ITIH2: variants seen among roughly 807,000 people sequenced by gnomAD.
ITIH2 encodes inter-alpha-trypsin inhibitor heavy chain H2.
Under a neutral mutation model 104.4 loss-of-function variants are expected in ITIH2, and 103 were observed. That is an observed-to-expected ratio of 0.99 (90% CI 0.84 to 1.16). The LOEUF (loss-of-function observed/expected upper bound fraction) is 1.16. Ranked by LOEUF, ITIH2 falls within the 50% of genes most tolerant of loss-of-function variation. The pLI, the probability that ITIH2 is intolerant of heterozygous loss-of-function variation, is 0.00. For missense variants in ITIH2, 1,108 were observed against 1,162.4 expected (o/e 0.95, Z 0.68); for synonymous variants, 436 against 435.4 (o/e 1.00, Z -0.02).
At chr10:7,722,480 A>C (rs980603736) in intron 8 of ITIH2, among the ~76,000 whole-genome samples, 2 of 152,034 alleles carry the variant, frequency 1.3e-5, no homozygotes, top group African/African-American at 4.8e-5. Context: ...AAAAATCCAA[A>C]TTTTCTAAAG....
At chr10:7,719,086 A>C (rs562850198) in intron 6 of ITIH2, among the ~76,000 whole-genome samples, 6 of 152,334 alleles carry the variant, frequency 3.9e-5, no homozygotes, top group African/African-American at 1.4e-4. Flanking sequence ...GGCAGATGGG[A>C]GAGTAAAGCA....
intron 9 of ITIH2, among the ~76,000 whole-genome samples, chr10:7,726,037 G>T (rs2130951417): frequency 6.6e-6 from 1 of 152,360 alleles, no homozygotes; most frequent in South Asian, 2.1e-4. Flanking sequence ...CATGAGAAAT[G>T]AAGATGGACC....
chr10:7,739,691 G>A (rs568521433), intron 16 of ITIH2, among the ~76,000 whole-genome samples: 51 of 152,004 alleles, frequency 3.4e-4, no homozygotes, highest in Admixed American at 2.6e-4. Flanking sequence ...CCAGGAGTTT[G>A]AGACCAGCAA....
chr10:7,713,229 G>A lies in ITIH2; in HGVS notation c.411G>A (p.Val137=), dbSNP rs999798857. Residue 137 remains valine (V), a synonymous_variant, in exon 5 of 21, where the codon GTG becomes GTA. Transcript: ENST00000358415. Reference sequence around the variant, plus strand: ...GGAGCTCTATTAAGGAGAAAACTGTGGGCCGAGCTCTTTATGCACAGGCCA... The same window carrying A: ...GGAGCTCTATTAAGGAGAAAACTGTAGGCCGAGCTCTTTATGCACAGGCCA... ...TFRSSIKEKT[V]GRALYAQARA... is the part of the protein sequence containing the mutation. 1 of 1,614,174 alleles carries A rather than the reference G, an allele frequency of 6.2e-7. No homozygotes were observed. The highest frequency in any genetic ancestry group is 8.5e-7 in the Non-Finnish European group (1 of 1,180,014).
chr10:7,719,126 G>A lies in ITIH2; in HGVS notation c.630+1338G>A, dbSNP rs189903415. ...GGTTGTGAATTGCCCGGAGACACGG[G>A]AGATGAAAGGGAATGAATTAATCAC... On this transcript the variant is annotated intron_variant, in intron 6 of 20. Transcript: ENST00000358415. Among the ~76,000 whole-genome samples, 618 of 152,316 alleles carry A rather than the reference G, an allele frequency of 4.1e-3. 2 individuals carry two copies. Among genetic ancestry groups the A allele is most frequent in the Non-Finnish European group, 5.8e-3 (392 of 68,036 alleles).
intron 5 of ITIH2, among the ~76,000 whole-genome samples, chr10:7,713,626 T>C (rs1001976952): frequency 6.6e-6 from 1 of 152,242 alleles, no homozygotes. Flanking sequence ...ACTTAACATA[T>C]AAGCAGAAGG....
At position 7,709,053 on chromosome 10, in the gene ITIH2, A is replaced by C. The variant is rs1652309594; in HGVS notation, c.224A>C (p.Tyr75Ser). 2.5e-6 allele frequency: 4 copies of C among 1,613,974 alleles called. No individual in the cohort carries two copies. Among genetic ancestry groups the C allele is most frequent in the Admixed American group, 3.3e-5 (2 of 59,998 alleles). The change falls in exon 4 of 21, where the codon TAT becomes TCT. Residue 75 changes from tyrosine (Y) to serine (S), a missense_variant. By Grantham distance (144) the Tyr-to-Ser change is moderately radical (BLOSUM62 -2). Coordinates refer to ENST00000358415, the MANE Select transcript of ITIH2 (RefSeq NM_002216.3). ...GTTGATCAAGTAACTCTTTATAGCT[A>C]TAAAGTCCAGTCTACTATTACTTCT... ...EEVDQVTLYSYKVQSTITSRM... is the reference protein window; with the variant it reads ...EEVDQVTLYSSKVQSTITSRM...
intron 1 of ITIH2, 72 bp downstream of exon 1, chr10:7,703,590 A>C (rs1406651624): frequency 5.5e-6 from 5 of 912,082 alleles, no homozygotes; most frequent in Admixed American, 1.7e-5. Context: ...TGGAATCGCT[A>C]TTCAATGGCC....
chr10:7,745,463 G>A (rs1213525681), intron 19 of ITIH2, among the ~76,000 whole-genome samples: 2 of 152,032 alleles, frequency 1.3e-5, no homozygotes, highest in African/African-American at 4.8e-5. Context: ...TGTATAAAAT[G>A]ACCATGAGCT....
chr10:7,727,762 T>C lies in ITIH2; in HGVS notation c.1213T>C (p.Leu405=), dbSNP rs1834964540. ...AIFILNEANN[L]GLLDPNSVSL... ...CTTCATTTTGAATGAAGCCAATAAC[T>C]TGGGACTGTTAGACCCCAACTCCGT... The change falls in exon 11 of 21, where the codon TTG becomes CTG. Residue 405 remains leucine, a synonymous_variant. Transcript: ENST00000358415. 1 of 1,614,150 alleles carries C rather than the reference T, an allele frequency of 6.2e-7. No homozygotes were observed. The highest frequency in any genetic ancestry group is 1.3e-5 in the African/African-American group (1 of 75,054).
At chr10:7,716,123 T>C (rs1339423922) in intron 5 of ITIH2, among the ~76,000 whole-genome samples, 2 of 152,132 alleles carry the variant, frequency 1.3e-5, no homozygotes, top group Non-Finnish European at 2.9e-5. Context: ...TAGCTAGGAT[T>C]ACAGGCACTC....
At chr10:7,720,613 C>T (rs1429777299) in intron 6 of ITIH2, among the ~76,000 whole-genome samples, 4 of 152,094 alleles carry the variant, frequency 2.6e-5, no homozygotes, top group Admixed American at 1.3e-4. Context: ...GGAAGGGAGT[C>T]GACTCCTGGG....
intron 17 of ITIH2, 63 bp from the exon 18 acceptor site, chr10:7,744,019 A>T: frequency 8.2e-7 from 1 of 1,218,104 alleles, no homozygotes. Flanking sequence ...TTTGAATTAT[A>T]GTACCCACAC....
At position 7,721,795 on chromosome 10, in the gene ITIH2, C is replaced by T. The variant is rs1834906819; in HGVS notation, c.867+18C>T. 3 of 1,612,604 alleles carry T rather than the reference C, an allele frequency of 1.9e-6. No homozygotes were observed. Among genetic ancestry groups the T allele is most frequent in the Middle Eastern group, 1.6e-4 (1 of 6,078 alleles). ...AACTGGAGGTGAGTGCACACCGGCTCTGGTTCTACTGCCAAGCTCGTGCCA... is the reference window on the plus strand; with the variant it reads ...AACTGGAGGTGAGTGCACACCGGCTTTGGTTCTACTGCCAAGCTCGTGCCA... On this transcript the variant is annotated intron_variant, in intron 8 of 20. Coordinates refer to ENST00000358415, the MANE Select transcript of ITIH2 (RefSeq NM_002216.3).
intron 15 of ITIH2, among the ~76,000 whole-genome samples, chr10:7,737,522 A>T (rs890186150): frequency 7.4e-6 from 1 of 134,864 alleles, no homozygotes; most frequent in African/African-American, 2.8e-5. Flanking sequence ...TATATTATAT[A>T]CTATGTATTC....
chr10:7,706,707 T>TA (rs1216320827), intron 2 of ITIH2, among the ~76,000 whole-genome samples: 1 of 152,138 alleles, frequency 6.6e-6, no homozygotes. Flanking sequence ...CTTGGGGTGT[T>TA]AGAGATTTTC....
chr10:7,742,962 C>T (rs771247165), intron 16 of ITIH2, among the ~76,000 whole-genome samples, 184 bp from the exon 17 acceptor site: 4 of 152,036 alleles, frequency 2.6e-5, no homozygotes, highest in African/African-American at 9.7e-5. Context: ...AAGAAGGCTC[C>T]GTGACAAAGG....
In ITIH2 at chr10:7,749,278, G is replaced by A. The variant is rs774072245; in HGVS notation, c.2785G>A (p.Gly929Arg). The A allele has an allele frequency of 8.7e-6, 14 of 1,614,096 alleles. No homozygotes were observed. The highest frequency in any genetic ancestry group is 2.2e-5 in the East Asian group (1 of 44,884). The change falls in exon 21 of 21, where the codon GGG becomes AGG. Residue 929 changes from glycine to arginine, a missense_variant. Physicochemically the swap from Gly to Arg is moderately radical, Grantham distance 125 (BLOSUM62 -2). Coordinates refer to ENST00000358415, the MANE Select transcript of ITIH2 (RefSeq NM_002216.3). ...VHNSGKGFID[G>R]HYKDYFVPQL... ...CAACAGTGGAAAAGGATTCATTGAC[G>A]GGCATTACAAGGATTACTTCGTGCC...
intron 9 of ITIH2, among the ~76,000 whole-genome samples, chr10:7,724,134 C>T (rs1588455291): frequency 6.6e-6 from 1 of 152,152 alleles, no homozygotes; most frequent in African/African-American, 2.4e-5. Context: ...ATACTAAAGA[C>T]CAAACAAGGA....
Sources: gnomAD v4.1 joint callset for allele counts (sites outside exome capture counted in the v4.1 genomes callset) on GRCh38, gnomAD v4.1.1 for gene constraint, MANE v1.5 for transcripts, NCBI Gene and HGNC (gene_info 2026-07-23, HGNC 2026-07-21) for gene names.